The following MAGEB18 variants were observed in gnomAD, a reference collection of about 807,000 sequenced individuals.
MAGEB18 encodes the protein MAGE family member B18.
Under a neutral mutation model 6.3 loss-of-function variants are expected in MAGEB18, and 6 were observed. The ratio of observed to expected loss-of-function variants is 0.95; its 90% CI spans 0.52 to 1.87. The LOEUF (loss-of-function observed/expected upper bound fraction) is 1.87, where lower values mean the gene tolerates loss of function less well. Among genes scored for constraint, MAGEB18 ranks in the 40% most tolerant of loss-of-function variants. The pLI is 0.01. For synonymous variants in MAGEB18, 93 were observed against 97.0 expected (o/e 0.96, Z 0.24); for missense variants, 228 against 265.4 (o/e 0.86, Z 0.98).
chrX:26,139,111 T>C lies in MAGEB18; in HGVS notation c.126T>C (p.Tyr42=). The C allele has an allele frequency of 8.3e-7, 1 of 1,211,364 alleles. No homozygotes were observed. Among genetic ancestry groups the C allele is most frequent in the Non-Finnish European group, 1.1e-6 (1 of 895,404 alleles). The change falls in exon 2 of 3, where the codon TAT becomes TAC. Residue 42 remains tyrosine (Y), a synonymous_variant. Transcript: ENST00000325250. ...AAGGAGAGTCACCCTCCCCTGCCTA[T>C]CTTCTCTTTGGTGACAGACCCCAGA... ...VAEGESPSPA[Y]LLFGDRPQNL... is the part of the protein sequence containing the mutation.
At chrX:26,138,821 T>G (rs1928410892) in intron 1 of MAGEB18, 103 bp from the exon 2 acceptor site, 1 of 454,540 alleles carries the variant, frequency 2.2e-6, no homozygotes, top group South Asian at 3.8e-5. Flanking sequence ...TATGGGTTCC[T>G]AAAGCAATAC....
chrX:26,139,803 C>A lies in MAGEB18; in HGVS notation c.818C>A (p.Pro273Gln), dbSNP rs764703515. The change falls in exon 2 of 3, where the codon CCA (proline) becomes CAA (glutamine). Residue 273 changes from proline to glutamine, a missense_variant. Transcript: ENST00000325250. Reference sequence around the variant, plus strand: ...CCACGCTATGAATTCCTGTGGGGTCCAAGAGCTCACGCTGAAACTAGCAAG... The same window carrying A: ...CCACGCTATGAATTCCTGTGGGGTCAAAGAGCTCACGCTGAAACTAGCAAG... The part of the protein sequence containing the change: ...DPPRYEFLWG[P>Q]RAHAETSKMK... 4.1e-6 allele frequency: 5 copies of A among 1,211,372 alleles called. No homozygotes were observed. The East Asian group carries it at 1.2e-4, about 29-fold the overall frequency.
chrX:26,138,776 ACC>A lies in MAGEB18; in HGVS notation c.-62-143_-62-142del. The A allele has an allele frequency of 2.0e-5, 8 of 391,833 alleles. No individual in the cohort carries two copies. In the South Asian group the frequency reaches 4.9e-4, roughly 24 times the overall value. 32.3% of individuals were successfully genotyped at this position (391,833 alleles called of 1,213,427 possible). A position where few individuals can be genotyped will look rare whatever the true frequency, so the allele number is the denominator to read the frequency against. On this transcript the variant is annotated intron_variant, in intron 1 of 2. Transcript: ENST00000325250. Reference sequence around the variant, plus strand: ...ATCCTGAGTTAGAACTGATGTGACAACCCCCCACAGAACAGTCCCACCCCGCT... The same window carrying A: ...ATCCTGAGTTAGAACTGATGTGACAACCCCACAGAACAGTCCCACCCCGCT...
At position 26,139,435 on chromosome X, in the gene MAGEB18, G is replaced by A. The variant is rs2146860316; in HGVS notation, c.450G>A (p.Lys150=). 1 of 1,202,291 alleles carries A rather than the reference G, an allele frequency of 8.3e-7. No homozygotes were observed. Among genetic ancestry groups the A allele is most frequent in the East Asian group, 3.0e-5 (1 of 33,475 alleles). Reference sequence around the variant, plus strand: ...AGTGTCACTTCAATGAGATCCTCAAGAGAGCCTCTGAGCACATGGAGCTGG... The same window carrying A: ...AGTGTCACTTCAATGAGATCCTCAAAAGAGCCTCTGAGCACATGGAGCTGG... ...KDKCHFNEIL[K]RASEHMELAL... is the part of the protein sequence containing the mutation. Residue 150 remains lysine, a synonymous_variant, in exon 2 of 3, where the codon AAG becomes AAA. Coordinates refer to ENST00000325250, the MANE Select transcript of MAGEB18 (RefSeq NM_173699.4).
chrX:26,139,776 C>G lies in MAGEB18; in HGVS notation c.791C>G (p.Pro264Arg), dbSNP rs993107694. The change falls in exon 2 of 3, where the codon CCT becomes CGT. Residue 264 changes from proline (P) to arginine (R), a missense_variant. Coordinates refer to ENST00000325250, the MANE Select transcript of MAGEB18 (RefSeq NM_173699.4). ...TACCAGCAAGTGCCCAACAGTGATC[C>G]TCCACGCTATGAATTCCTGTGGGGT... is the stretch of plus-strand genomic sequence containing the variant. ...LEYQQVPNSD[P>R]PRYEFLWGPR... The G allele has an allele frequency of 8.3e-7, 1 of 1,211,872 alleles. No individual in the cohort carries two copies. The highest frequency in any genetic ancestry group is 1.1e-6 in the Non-Finnish European group (1 of 895,479).
In MAGEB18 at chrX:26,139,308, A is replaced by C. The variant is rs138926862; in HGVS notation, c.323A>C (p.Asn108Thr). ...EAEGWKEDPL[N>T]KKVVSLVHFL... is the part of the protein sequence containing the mutation. ...GAGGGCTGGAAAGAAGATCCTTTAA[A>C]CAAGAAAGTAGTGTCGCTGGTGCAT... is the stretch of plus-strand genomic sequence containing the variant. Residue 108 changes from asparagine (N) to threonine (T), a missense_variant, in exon 2 of 3, where the codon AAC becomes ACC. Transcript: ENST00000325250. The C allele has an allele frequency of 1.1e-3, 1,306 of 1,207,817 alleles. 6 individuals are homozygous for C. Among genetic ancestry groups the C allele is most frequent in the South Asian group, 1.3e-3 (74 of 56,320 alleles).
chrX:26,139,309 C>T lies in MAGEB18; in HGVS notation c.324C>T (p.Asn108=). The change falls in exon 2 of 3, where the codon AAC becomes AAT. Residue 108 remains asparagine, a synonymous_variant. Transcript: ENST00000325250. ...EAEGWKEDPL[N]KKVVSLVHFL... The stretch of plus-strand genomic sequence containing the variant: ...AGGGCTGGAAAGAAGATCCTTTAAA[C>T]AAGAAAGTAGTGTCGCTGGTGCATT... The T allele has an allele frequency of 8.3e-7, 1 of 1,209,371 alleles. No homozygotes were observed. Among genetic ancestry groups the T allele is most frequent in the Non-Finnish European group, 1.1e-6 (1 of 894,167 alleles).
At chrX:26,140,112 T>TTCCTTG in intron 2 of MAGEB18, 59 bp downstream of exon 2, 1 of 791,430 alleles carries the variant, frequency 1.3e-6, no homozygotes. Context: ...TAAGTGTATA[T>TTCCTTG]CATCTTTGCA....
In MAGEB18 at chrX:26,140,091, G is replaced by A. The variant is rs149567586; in HGVS notation, c.*36+38G>A. The A allele has an allele frequency of 2.7e-4, 253 of 934,372 alleles. No homozygotes were observed. The African/African-American group carries it at 4.5e-3, about 17-fold the overall frequency. The allele number at this position is 934,372 out of a possible 1,213,427, so 77.0% of individuals were successfully genotyped here. ...TCTAATAGTGGAGGGCCATGGTGGGGCTGGAAGAAATAAGTGTATATCATC... is the reference window on the plus strand; with the variant it reads ...TCTAATAGTGGAGGGCCATGGTGGGACTGGAAGAAATAAGTGTATATCATC... On this transcript the variant is annotated intron_variant, in intron 2 of 2. Coordinates refer to ENST00000325250, the MANE Select transcript of MAGEB18 (RefSeq NM_173699.4).
Position 26,140,249 on chromosome X carries a change from G to A in MAGEB18, c.*106G>A. 3 of 378,107 alleles carry A rather than the reference G, an allele frequency of 7.9e-6. No individual in the cohort carries two copies. The highest frequency in any genetic ancestry group is 9.0e-6 in the Non-Finnish European group (2 of 221,358). The allele number at this position is 378,107 out of a possible 1,213,427, so 31.2% of individuals were successfully genotyped here. ...AAGAGAAGAGCAGTCAACATTCTAA[G>A]TAGTGAATGGCCAGAGTGCGTCTGG... On this transcript the variant is annotated 3_prime_UTR_variant, in exon 3 of 3. Transcript: ENST00000325250.
chrX:26,140,078 G>T, intron 2 of MAGEB18, 25 bp downstream of exon 2: 1 of 972,302 alleles, frequency 1.0e-6, no homozygotes, highest in East Asian at 3.3e-5. Flanking sequence ...TAATAGTGGA[G>T]GGCCATGGTG....
intron 2 of MAGEB18, 56 bp downstream of exon 2, chrX:26,140,109 A>C: frequency 4.9e-6 from 4 of 819,724 alleles, no homozygotes; most frequent in Non-Finnish European, 6.7e-6. Context: ...AAATAAGTGT[A>C]TATCATCTTT....
chrX:26,138,927 G>A lies in MAGEB18; in HGVS notation c.-59G>A. On this transcript the variant is annotated 5_prime_UTR_variant, in exon 2 of 3. Coordinates refer to ENST00000325250, the MANE Select transcript of MAGEB18 (RefSeq NM_173699.4). ...TATCTCATCCTCCGTCTTCTAGGGT[G>A]CCCTCTTCATCAATTCAACTGCCTG... The A allele has an allele frequency of 1.0e-6, 1 of 959,959 alleles. No homozygotes were observed. Among genetic ancestry groups the A allele is most frequent in the Non-Finnish European group, 1.4e-6 (1 of 696,866 alleles). 79.1% of individuals were successfully genotyped at this position (959,959 alleles called of 1,213,427 possible).
rs1021630477 is a variant in MAGEB18, at chrX:26,139,570, C to T, written c.585C>T (p.Pro195=). The change falls in exon 2 of 3, where the codon CCC becomes CCT. Residue 195 remains proline (P), a synonymous_variant. Coordinates refer to ENST00000325250, the MANE Select transcript of MAGEB18 (RefSeq NM_173699.4). ...DETTSDEEKI[P]KTGLLMIALG... is the part of the protein sequence containing the mutation. ...CAACCAGTGATGAAGAAAAAATTCCCAAGACTGGCCTCCTGATGATTGCAC... is the reference window on the plus strand; with the variant it reads ...CAACCAGTGATGAAGAAAAAATTCCTAAGACTGGCCTCCTGATGATTGCAC... 11 of 1,203,421 alleles carry T rather than the reference C, an allele frequency of 9.1e-6. No homozygotes were observed. Among genetic ancestry groups the T allele is most frequent in the Non-Finnish European group, 1.2e-5 (11 of 891,831 alleles).
intron 2 of MAGEB18, 61 bp downstream of exon 2, chrX:26,140,114 A>C: frequency 7.9e-6 from 6 of 757,472 alleles, no homozygotes; most frequent in Non-Finnish European, 1.1e-5. Flanking sequence ...AGTGTATATC[A>C]TCTTTGCATT....
chrX:26,139,926 C>T lies in MAGEB18; in HGVS notation c.941C>T (p.Thr314Ile). The change falls in exon 2 of 3, where the codon ACC becomes ATC. Residue 314 changes from threonine (T) to isoleucine (I), a missense_variant. Coordinates refer to ENST00000325250, the MANE Select transcript of MAGEB18 (RefSeq NM_173699.4). Reference sequence around the variant, plus strand: ...GCTTTGAGGGATGAGGAACAGAGAACCCAAGCCAGAGCTGCAGCCAGGGCT... The same window carrying T: ...GCTTTGAGGGATGAGGAACAGAGAATCCAAGCCAGAGCTGCAGCCAGGGCT... ...EEALRDEEQR[T>I]QARAAARAHT... is the part of the protein sequence containing the mutation. The T allele has an allele frequency of 1.7e-6, 2 of 1,209,282 alleles. No homozygotes were observed. Among genetic ancestry groups the T allele is most frequent in the Non-Finnish European group, 2.2e-6 (2 of 894,154 alleles).
Position 26,139,369 on chromosome X carries a change from TA to T in MAGEB18, c.385del (p.Thr129GlnfsTer5). The T allele has an allele frequency of 8.4e-7, 1 of 1,194,204 alleles. No homozygotes were observed. The highest frequency in any genetic ancestry group is 2.3e-4 in the Middle Eastern group (1 of 4,336). The part of the protein sequence containing the change: ...LQKYETKEPI[T>X]KGDMIKFVIR... ...AGAAGTATGAAACGAAAGAGCCAAT[TA>T]CAAAGGGAGATATGATAAAGTTTGT... On this transcript the variant is annotated frameshift_variant, in exon 2 of 3. Transcript: ENST00000325250. LOFTEE classifies it high-confidence loss of function.
At chrX:26,138,588 G>A (rs750754088) in intron 1 of MAGEB18, 121 bp downstream of exon 1, 3 of 139,232 alleles carry the variant, frequency 2.2e-5, no homozygotes, top group African/African-American at 3.2e-5. Flanking sequence ...GTCCCAAAGC[G>A]CAGCTGTTAG....
intron 1 of MAGEB18, among the ~76,000 whole-genome samples, 190 bp downstream of exon 1, chrX:26,138,657 G>A (rs1311872424): frequency 5.4e-5 from 6 of 111,636 alleles, no homozygotes; most frequent in Non-Finnish European, 3.8e-5. Flanking sequence ...GGTCTAAAGC[G>A]AGGCAGCCTC....
Sources: allele counts gnomAD v4.1 joint callset (sites outside exome capture counted in the v4.1 genomes callset), GRCh38; gene constraint gnomAD v4.1.1; transcripts MANE v1.5; gene names NCBI Gene and HGNC (gene_info 2026-07-23, HGNC 2026-07-21).